SPOP: variants seen among roughly 807,000 people sequenced by gnomAD.
SPOP encodes the protein speckle type BTB/POZ protein.
Under a neutral mutation model 45.6 loss-of-function variants are expected in SPOP, and 11 were observed. The ratio of observed to expected loss-of-function variants is 0.24; its 90% CI spans 0.15 to 0.40. The LOEUF (loss-of-function observed/expected upper bound fraction) is 0.40. Ranked by LOEUF, SPOP falls within the 10% of genes least tolerant of loss-of-function variation. SPOP has a pLI of 1.00. For synonymous variants in SPOP, 166 were observed against 166.3 expected (o/e 1.00, Z 0.01); for missense variants, 152 against 465.6 (o/e 0.33, Z 6.20).
chr17:49,663,135 C>A (rs562283968), intron 1 of SPOP, among the ~76,000 whole-genome samples: 1 of 152,352 alleles, frequency 6.6e-6, no homozygotes, highest in East Asian at 1.9e-4. Context: ...AGGAACCAGG[C>A]GCACAGGAGG....
intron 1 of SPOP, among the ~76,000 whole-genome samples, chr17:49,628,667 G>C (rs945478912): frequency 2.0e-5 from 3 of 152,134 alleles, no homozygotes; most frequent in African/African-American, 7.2e-5. Flanking sequence ...CAGTAAGTAC[G>C]TAACAAAACT....
intron 2 of SPOP, 28 bp from the exon 3 acceptor site, chr17:49,622,095 A>G (rs1042967735): frequency 2.5e-6 from 4 of 1,609,852 alleles, no homozygotes; most frequent in Non-Finnish European, 3.4e-6. Context: ...GGAAGCAATT[A>G]AATAGGAAGT....
intron 1 of SPOP, among the ~76,000 whole-genome samples, chr17:49,656,101 C>T (rs186711259): frequency 2.6e-5 from 4 of 152,202 alleles, no homozygotes; most frequent in African/African-American, 4.8e-5. Flanking sequence ...TGTGAGCCAC[C>T]GTGCCCAGCC....
intron 8 of SPOP, among the ~76,000 whole-genome samples, chr17:49,604,366 A>G (rs1487973361): frequency 6.6e-6 from 1 of 152,152 alleles, no homozygotes; most frequent in Non-Finnish European, 1.5e-5. Context: ...TATTATTCCA[A>G]TCTTCTTCAT....
At chr17:49,623,678 C>A (rs1271997662) in intron 1 of SPOP, among the ~76,000 whole-genome samples, 2 of 152,128 alleles carry the variant, frequency 1.3e-5, no homozygotes. Context: ...TATTTTTACA[C>A]CTTTCTTAGA....
At chr17:49,605,066 T>C (rs1476749915) in intron 8 of SPOP, among the ~76,000 whole-genome samples, 4 of 152,230 alleles carry the variant, frequency 2.6e-5, no homozygotes, top group Non-Finnish European at 5.9e-5. Flanking sequence ...TATCTGTTGA[T>C]ATTTCACCTT....
At chr17:49,665,978 C>CA (rs771605545) in intron 1 of SPOP, among the ~76,000 whole-genome samples, 2,069 of 62,486 alleles carry the variant, frequency 0.033, 53 homozygotes, top group African/African-American at 0.099. Flanking sequence ...GACTCCATCT[C>CA]AAAAAAAAAA....
At chr17:49,623,827 G>A (rs540370753) in intron 1 of SPOP, among the ~76,000 whole-genome samples, 1 of 151,664 alleles carries the variant, frequency 6.6e-6, no homozygotes, top group East Asian at 1.9e-4. Flanking sequence ...GTCCACTGTT[G>A]CTCCCCATCA....
intron 5 of SPOP, among the ~76,000 whole-genome samples, chr17:49,615,996 A>G (rs2072077770): frequency 1.3e-5 from 2 of 152,228 alleles, no homozygotes; most frequent in African/African-American, 4.8e-5. Flanking sequence ...TAAGTTAACT[A>G]AGCAATAACA....
intron 1 of SPOP, among the ~76,000 whole-genome samples, chr17:49,673,651 C>G (rs1420928786): frequency 6.6e-6 from 1 of 152,128 alleles, no homozygotes; most frequent in Non-Finnish European, 1.5e-5. Context: ...AAATTTTTCA[C>G]TTAAACCATT....
chr17:49,672,874 G>T (rs1490958673), intron 1 of SPOP, among the ~76,000 whole-genome samples: 1 of 151,958 alleles, frequency 6.6e-6, no homozygotes, highest in East Asian at 1.9e-4. Context: ...TTGAACCCTG[G>T]ACGCAAAGGT....
intron 8 of SPOP, among the ~76,000 whole-genome samples, chr17:49,603,765 GA>G (rs1333031138): frequency 6.6e-6 from 1 of 152,228 alleles, no homozygotes; most frequent in Admixed American, 6.5e-5. Context: ...ATTCTGAATG[GA>G]ATTTGAAAAT....
intron 1 of SPOP, among the ~76,000 whole-genome samples, chr17:49,660,853 C>T (rs940819126): frequency 1.3e-5 from 2 of 152,146 alleles, no homozygotes; most frequent in African/African-American, 4.8e-5. Context: ...GTAGTCCCAG[C>T]TACTCGGGAG....
intron 1 of SPOP, among the ~76,000 whole-genome samples, chr17:49,665,695 C>CACACAT (rs55985992): frequency 1.4e-5 from 2 of 143,014 alleles, no homozygotes; most frequent in Non-Finnish European, 3.0e-5. Context: ...CACACACACA[C>CACACAT]CAATCTGGCC....
In SPOP at chr17:49,619,800, C is replaced by T. The variant is rs1156475418; in HGVS notation, c.201-415G>A. Among the ~76,000 whole-genome samples, 1 of 152,078 alleles carries T rather than the reference C, an allele frequency of 6.6e-6. No homozygotes were observed. The highest frequency in any genetic ancestry group is 1.5e-5 in the Non-Finnish European group (1 of 68,010). On this transcript the variant is annotated intron_variant, in intron 3 of 9. Transcript: ENST00000504102. The surrounding 1 kb of genome is among the most constrained non-coding windows in gnomAD (Gnocchi z 4.9). ...TCAGCCTCCCAGAGTGCTGGGATTACAGGAATAAGCAACCACACCTGGCTG... is the reference window on the plus strand; with the variant it reads ...TCAGCCTCCCAGAGTGCTGGGATTATAGGAATAAGCAACCACACCTGGCTG...
chr17:49,665,275 T>C (rs181016188), intron 1 of SPOP, among the ~76,000 whole-genome samples: 18 of 152,286 alleles, frequency 1.2e-4, no homozygotes, highest in Non-Finnish European at 2.2e-4. Flanking sequence ...AAGTCCATTA[T>C]ATATCATGTG....
intron 1 of SPOP, among the ~76,000 whole-genome samples, chr17:49,650,101 G>A (rs2072821323): frequency 6.6e-6 from 1 of 151,638 alleles, no homozygotes; most frequent in South Asian, 2.1e-4. Flanking sequence ...ATCTTGGTCA[G>A]ACTGGTCTTG....
intron 1 of SPOP, chr17:49,636,421 A>G (rs1316105453): frequency 6.6e-6 from 1 of 152,234 alleles, no homozygotes; most frequent in Non-Finnish European, 1.5e-5. Context: ...ATTACTGTAA[A>G]GTCTTATCCT....
At chr17:49,651,323 C>T (rs961608540) in intron 1 of SPOP, among the ~76,000 whole-genome samples, 2 of 152,120 alleles carry the variant, frequency 1.3e-5, no homozygotes, top group Non-Finnish European at 2.9e-5. Context: ...AATTGACTTC[C>T]CTCAACCTAG....
Sources: allele counts gnomAD v4.1 joint callset (sites outside exome capture counted in the v4.1 genomes callset), GRCh38; gene constraint gnomAD v4.1.1; non-coding constraint Gnocchi (gnomAD v3.1); transcripts MANE v1.5; gene names NCBI Gene and HGNC (gene_info 2026-07-23, HGNC 2026-07-21).